The following CNTN5 variants were observed in gnomAD, a reference collection of about 807,000 sequenced individuals.
CNTN5 encodes the protein contactin 5.
CNTN5 carries 77 observed loss-of-function variants against 129.1 expected under a neutral mutation model. That is an observed-to-expected ratio of 0.60 (90% CI 0.50 to 0.72). CNTN5 has a LOEUF of 0.72. Among genes scored for constraint, CNTN5 ranks in the 30% least tolerant of loss-of-function variants. CNTN5 has a pLI of 0.00. For missense variants in CNTN5, 1,478 were observed against 1,328.8 expected (o/e 1.11, Z -1.75); for synonymous variants, 509 against 465.6 (o/e 1.09, Z -1.20).
intron 2 of CNTN5, among the ~76,000 whole-genome samples, chr11:99,525,460 C>T (rs183013614): frequency 6.6e-5 from 10 of 152,208 alleles, no homozygotes; most frequent in East Asian, 1.9e-4. Context: ...AAGGCTCAAA[C>T]GATATGTCAA....
chr11:99,208,755 AATTT>A (rs1859613099), intron 1 of CNTN5, among the ~76,000 whole-genome samples: 1 of 152,134 alleles, frequency 6.6e-6, no homozygotes, highest in Non-Finnish European at 1.5e-5. Context: ...AATCAAAAAC[AATTT>A]ATTAATAACT....
chr11:100,086,922 AG>A (rs1044343153), intron 13 of CNTN5, among the ~76,000 whole-genome samples: 28 of 151,764 alleles, frequency 1.8e-4, no homozygotes, highest in African/African-American at 6.7e-4. Flanking sequence ...GTTACAAAAG[AG>A]GGGAGTTGAA....
rs747038106 is a variant in CNTN5, at chr11:100,340,581, T to A, written c.2849T>A (p.Val950Glu). Reference sequence around the variant, plus strand: ...GGAAATACGTTATATCACTTCACAGTGAGGGCTTACAATGGAGCTGGATAT... The same window carrying A: ...GGAAATACGTTATATCACTTCACAGAGAGGGCTTACAATGGAGCTGGATAT... ...LEGNTLYHFT[V>E]RAYNGAGYGP... Residue 950 changes from valine to glutamate, a missense_variant, in exon 22 of 25, where the codon GTG becomes GAG. Coordinates refer to ENST00000524871, the MANE Select transcript of CNTN5 (RefSeq NM_014361.4). The A allele has an allele frequency of 6.2e-7, 1 of 1,613,352 alleles. No homozygotes were observed. Among genetic ancestry groups the A allele is most frequent in the South Asian group, 1.1e-5 (1 of 90,938 alleles).
chr11:99,392,654 C>T (rs1339741271), intron 2 of CNTN5, among the ~76,000 whole-genome samples: 3 of 151,942 alleles, frequency 2.0e-5, no homozygotes, highest in Non-Finnish European at 2.9e-5. Flanking sequence ...TGTGTTTTCT[C>T]ATAATATATC....
At chr11:100,330,036 G>A (rs543892523) in intron 21 of CNTN5, among the ~76,000 whole-genome samples, 3 of 152,128 alleles carry the variant, frequency 2.0e-5, no homozygotes, top group Non-Finnish European at 4.4e-5. Flanking sequence ...AATCAAGGAG[G>A]CACCAGAGAA....
At chr11:100,076,748 T>C (rs946228637) in intron 13 of CNTN5, among the ~76,000 whole-genome samples, 3 of 152,038 alleles carry the variant, frequency 2.0e-5, no homozygotes, top group African/African-American at 7.2e-5. Context: ...TTGATCTACA[T>C]GTTTTAGGTC....
intron 20 of CNTN5, among the ~76,000 whole-genome samples, chr11:100,299,667 G>A (rs1004527120): frequency 2.0e-5 from 3 of 151,160 alleles, no homozygotes; most frequent in Non-Finnish European, 4.4e-5. Context: ...AGTAATCCCT[G>A]CAGTGTATTC....
chr11:100,178,975 T>C (rs1948053995), intron 13 of CNTN5, among the ~76,000 whole-genome samples: 1 of 152,146 alleles, frequency 6.6e-6, no homozygotes, highest in South Asian at 2.1e-4. Context: ...ATCAGAGGCA[T>C]ATACAAGTAT....
intron 13 of CNTN5, among the ~76,000 whole-genome samples, chr11:100,107,763 A>G (rs1181082678): frequency 6.6e-6 from 1 of 152,114 alleles, no homozygotes; most frequent in East Asian, 1.9e-4. Flanking sequence ...AGTTTATACA[A>G]GTAAAAGAAA....
chr11:99,244,444 T>A (rs1301166428), intron 1 of CNTN5, among the ~76,000 whole-genome samples: 1 of 152,178 alleles, frequency 6.6e-6, no homozygotes, highest in African/African-American at 2.4e-5. Context: ...GAAAATTGGT[T>A]TGGAATAAAT....
intron 21 of CNTN5, among the ~76,000 whole-genome samples, chr11:100,328,034 G>T (rs1951825422): frequency 6.6e-6 from 1 of 152,006 alleles, no homozygotes; most frequent in Non-Finnish European, 1.5e-5. Flanking sequence ...CAGAATACAA[G>T]TGCTAAGAGT....
At chr11:99,738,757 A>G (rs1943794692) in intron 3 of CNTN5, among the ~76,000 whole-genome samples, 1 of 152,048 alleles carries the variant, frequency 6.6e-6, no homozygotes, top group South Asian at 2.1e-4. Flanking sequence ...CTTGAAATTC[A>G]GGCAAAGGAA....
intron 1 of CNTN5, among the ~76,000 whole-genome samples, chr11:99,040,512 C>A (rs1044098665): frequency 3.3e-5 from 5 of 152,020 alleles, no homozygotes; most frequent in Non-Finnish European, 5.9e-5. Flanking sequence ...AATTTCATTT[C>A]TTTTCACATA....
At chr11:100,079,546 A>G (rs921937464) in intron 13 of CNTN5, among the ~76,000 whole-genome samples, 2 of 152,210 alleles carry the variant, frequency 1.3e-5, no homozygotes, top group Non-Finnish European at 2.9e-5. Context: ...AGCCGACCAA[A>G]TATTTACTTG....
intron 9 of CNTN5, among the ~76,000 whole-genome samples, chr11:100,055,148 T>C (rs1591144960): frequency 6.6e-6 from 1 of 151,498 alleles, no homozygotes; most frequent in Non-Finnish European, 1.5e-5. Flanking sequence ...TTTGTAAAAT[T>C]ATACTCGTCT....
intron 13 of CNTN5, among the ~76,000 whole-genome samples, chr11:100,082,785 G>T (rs1015889952): frequency 1.8e-4 from 28 of 152,252 alleles, no homozygotes; most frequent in African/African-American, 6.7e-4. Context: ...TCTCTGAGAA[G>T]AGGATTATAG....
At chr11:99,718,286 A>G (rs1011624261) in intron 3 of CNTN5, among the ~76,000 whole-genome samples, 3 of 152,194 alleles carry the variant, frequency 2.0e-5, no homozygotes, top group Non-Finnish European at 4.4e-5. Flanking sequence ...TGTTCTTTGC[A>G]CAGTGGCAAG....
chr11:99,768,926 A>C (rs2135322523), intron 3 of CNTN5, among the ~76,000 whole-genome samples: 1 of 152,276 alleles, frequency 6.6e-6, no homozygotes, highest in South Asian at 2.1e-4. Context: ...TCCTTGCCTG[A>C]GTCAATTATT....
At chr11:99,797,369 A>T (rs748522152) in intron 3 of CNTN5, among the ~76,000 whole-genome samples, 1 of 152,156 alleles carries the variant, frequency 6.6e-6, no homozygotes, top group African/African-American at 2.4e-5. Context: ...ATACCTGCCA[A>T]TAGTGTATAA....
Sources: gnomAD v4.1 joint callset for allele counts (sites outside exome capture counted in the v4.1 genomes callset) on GRCh38, gnomAD v4.1.1 for gene constraint, MANE v1.5 for transcripts, NCBI Gene and HGNC (gene_info 2026-07-23, HGNC 2026-07-21) for gene names.